The following LY96 variants were observed in gnomAD, a reference collection of about 807,000 sequenced individuals.
LY96 encodes the protein lymphocyte antigen 96.
In LY96, 18 loss-of-function variants were observed where a neutral mutation model predicts 18.9. That is an observed-to-expected ratio of 0.95 (90% CI 0.66 to 1.41). The LOEUF is 1.41. Among genes scored for constraint, LY96 ranks in the 40% most tolerant of loss-of-function variants. The pLI, the probability that LY96 is intolerant of heterozygous loss-of-function variation, is 0.00. For missense variants in LY96, 175 were observed against 182.4 expected, an observed-to-expected ratio of 0.96 and a Z score of 0.23; for synonymous variants, 66 against 62.6, an observed-to-expected ratio of 1.06 and a Z score of -0.26.
chr8:74,021,721 C>T (rs1213454410), intron 3 of LY96, among the ~76,000 whole-genome samples: 1 of 152,176 alleles, frequency 6.6e-6, no homozygotes, highest in Non-Finnish European at 1.5e-5. Context: ...CACATATACA[C>T]CATGGAATAC....
chr8:74,081,409 C>T, the LY96 span, among the ~76,000 whole-genome samples: 1 of 151,540 alleles, frequency 6.6e-6, no homozygotes. Flanking sequence ...GTGCATGCCA[C>T]TGTGCCTGGC....
chr8:74,009,265 G>T (rs1316724624), intron 2 of LY96, among the ~76,000 whole-genome samples: 2 of 150,824 alleles, frequency 1.3e-5, no homozygotes, highest in African/African-American at 4.9e-5. Flanking sequence ...CACGGTGGTA[G>T]GCGCCTGTAA....
chr8:74,063,857 G>A, the LY96 span, among the ~76,000 whole-genome samples: 5 of 151,908 alleles, frequency 3.3e-5, no homozygotes, highest in South Asian at 8.3e-4. Flanking sequence ...TTTTTGTCTT[G>A]TCAAATTTTG....
At chr8:74,089,822 C>T in the LY96 span, among the ~76,000 whole-genome samples, 2 of 152,068 alleles carry the variant, frequency 1.3e-5, no homozygotes, top group Non-Finnish European at 2.9e-5. Context: ...CAAGAAGGGC[C>T]TCACGAATCA....
At chr8:74,088,785 A>G in the LY96 span, among the ~76,000 whole-genome samples, 1 of 152,080 alleles carries the variant, frequency 6.6e-6, no homozygotes, top group Non-Finnish European at 1.5e-5. Context: ...GGGGTTTCAC[A>G]GTGTTGGCCA....
intron 1 of LY96, among the ~76,000 whole-genome samples, chr8:74,002,384 A>T (rs561960086): frequency 1.3e-5 from 2 of 151,288 alleles, no homozygotes; most frequent in Non-Finnish European, 2.9e-5. Context: ...TCTCACCATT[A>T]CCTTAAGTTT....
At chr8:74,003,708 C>T (rs1210643614) in intron 1 of LY96, among the ~76,000 whole-genome samples, 1 of 152,136 alleles carries the variant, frequency 6.6e-6, no homozygotes, top group East Asian at 1.9e-4. Flanking sequence ...GAAGAGTCTC[C>T]AGAGCACATT....
At chr8:74,000,539 A>G (rs1383451757) in intron 1 of LY96, among the ~76,000 whole-genome samples, 1 of 152,194 alleles carries the variant, frequency 6.6e-6, no homozygotes, top group African/African-American at 2.4e-5. Flanking sequence ...AGCCCGCATC[A>G]GAATTGCCCT....
chr8:74,070,259 C>T, the LY96 span, among the ~76,000 whole-genome samples: 11,931 of 152,010 alleles, frequency 0.078, 790 homozygotes, highest in African/African-American at 0.19. Flanking sequence ...GCCCGGCTAA[C>T]TTTTTGTAAT....
chr8:74,028,521 GA>G (rs1816915286), intron 4 of LY96, among the ~76,000 whole-genome samples: 3 of 152,132 alleles, frequency 2.0e-5, no homozygotes, highest in African/African-American at 7.2e-5. Context: ...TTTTGTTCAA[GA>G]TTTTTTTGGG....
chr8:74,031,147 A>C (rs1015505608), downstream of LY96, among the ~76,000 whole-genome samples: 3 of 151,884 alleles, frequency 2.0e-5, no homozygotes, highest in Admixed American at 6.6e-5. Flanking sequence ...TTCCTATTGT[A>C]ATTTCCTCCT....
At chr8:74,006,209 T>C (rs1315865387) in intron 2 of LY96, among the ~76,000 whole-genome samples, 2 of 152,182 alleles carry the variant, frequency 1.3e-5, no homozygotes. Flanking sequence ...TCTTTTTTTC[T>C]TTTGAGATGG....
chr8:74,053,041 C>G, the LY96 span, among the ~76,000 whole-genome samples: 11 of 152,246 alleles, frequency 7.2e-5, no homozygotes, highest in South Asian at 2.1e-4. Flanking sequence ...GCCAAGCAAC[C>G]CTTGCACATC....
the LY96 span, among the ~76,000 whole-genome samples, chr8:74,038,303 A>AT: frequency 6.6e-6 from 1 of 151,852 alleles, no homozygotes; most frequent in Non-Finnish European, 1.5e-5. Context: ...CTTTTAAACT[A>AT]TTTTTTTTGT....
At chr8:73,999,898 C>A (rs1235135581) in intron 1 of LY96, among the ~76,000 whole-genome samples, 3 of 152,086 alleles carry the variant, frequency 2.0e-5, no homozygotes, top group Non-Finnish European at 1.5e-5. Context: ...AATTTTACTT[C>A]TTCCCTTCCA....
chr8:74,054,872 T>C, the LY96 span, among the ~76,000 whole-genome samples: 1 of 151,714 alleles, frequency 6.6e-6, no homozygotes, highest in Non-Finnish European at 1.5e-5. Flanking sequence ...GGCTGGTCTC[T>C]AAACCTGGGA....
intron 2 of LY96, among the ~76,000 whole-genome samples, chr8:74,008,471 T>A (rs1479350410): frequency 6.6e-6 from 1 of 152,202 alleles, no homozygotes; most frequent in Non-Finnish European, 1.5e-5. Context: ...CGCCATGATA[T>A]TCTTCTCCAC....
chr8:74,017,195 G>A (rs938620688), intron 3 of LY96, among the ~76,000 whole-genome samples: 2 of 152,200 alleles, frequency 1.3e-5, no homozygotes, highest in Non-Finnish European at 2.9e-5. Context: ...AAACAGTGTA[G>A]AGAAGACCTT....
At chr8:74,064,425 A>C in the LY96 span, among the ~76,000 whole-genome samples, 7,110 of 152,304 alleles carry the variant, frequency 0.047, 418 homozygotes, top group African/African-American at 0.13. Context: ...CTCATCCTTA[A>C]GAAAGTATTC....
Sources: allele counts gnomAD v4.1 joint callset (sites outside exome capture counted in the v4.1 genomes callset), GRCh38; gene constraint gnomAD v4.1.1; transcripts MANE v1.5; gene names NCBI Gene and HGNC (gene_info 2026-07-23, HGNC 2026-07-21).